PROSER1: variants seen among roughly 807,000 people sequenced by gnomAD.
The protein encoded by PROSER1 is proline and serine-rich protein 1.
In PROSER1, 36 loss-of-function variants were observed where a neutral mutation model predicts 71.8. The observed-to-expected ratio is 0.50, with a 90% CI of 0.38 to 0.66. PROSER1 has a LOEUF of 0.66. PROSER1 is among the 30% of genes least tolerant of loss of function. The probability of loss-of-function intolerance (pLI) is 0.00; values close to 1 mark genes in which losing one functional copy is unlikely to be tolerated. For missense variants in PROSER1, 1,107 were observed against 1,135.0 expected (o/e 0.98, Z 0.35); for synonymous variants, 490 against 452.4 (o/e 1.08, Z -1.06).
At position 39,013,661 on chromosome 13, in the gene PROSER1, A is replaced by T; in HGVS notation, c.1591T>A (p.Ser531Thr). 6.2e-7 allele frequency: 1 copy of T among 1,614,154 alleles called. No individual in the cohort carries two copies. The highest frequency in any genetic ancestry group is 1.1e-5 in the South Asian group (1 of 91,088). The change falls in exon 11 of 13, where the codon TCC becomes ACC. Residue 531 changes from serine to threonine, a missense_variant. Transcript: ENST00000352251. ...PSAIPTPQRT[S>T]TPGLALFPGL... ...GGGAACAGGGCCAACCCTGGAGTGG[A>T]AGTCCTCTGTGGGGTAGGGATGGCT...
chr13:39,017,610 A>G (rs1870068292), intron 9 of PROSER1, 66 bp from the exon 10 acceptor site: 1 of 846,426 alleles, frequency 1.2e-6, no homozygotes, highest in Non-Finnish European at 1.8e-6. Context: ...TAATAAACAG[A>G]TATTTGGATA....
At chr13:39,031,745 G>C in intron 2 of PROSER1, 114 bp from the exon 3 acceptor site, 1 of 835,786 alleles carries the variant, frequency 1.2e-6, no homozygotes, top group Non-Finnish European at 2.0e-6. Flanking sequence ...GGTGATACAG[G>C]TGGCATTAAA....
chr13:39,035,471 A>C (rs189561718), intron 1 of PROSER1, among the ~76,000 whole-genome samples: 9 of 152,352 alleles, frequency 5.9e-5, no homozygotes, highest in Admixed American at 5.9e-4. Flanking sequence ...ATAAGCAAGA[A>C]GTACAGTGCC....
chr13:39,012,834 G>T lies in PROSER1; in HGVS notation c.2418C>A (p.Phe806Leu). The change falls in exon 11 of 13, where the codon TTC (phenylalanine) becomes TTA (leucine). Residue 806 changes from phenylalanine to leucine, a missense_variant. By Grantham distance (22) the Phe-to-Leu change is conservative (BLOSUM62 0). Coordinates refer to ENST00000352251, the MANE Select transcript of PROSER1 (RefSeq NM_025138.5). Reference sequence around the variant, plus strand: ...CTGTAGAGGGCGCCTGCAGCCCCGGGAATGAGGGAAGAGCAGGGGTAACGC... The same window carrying T: ...CTGTAGAGGGCGCCTGCAGCCCCGGTAATGAGGGAAGAGCAGGGGTAACGC... ...TPSVTPALPS[F>L]PGLQAPSTVA... The T allele has an allele frequency of 6.2e-7, 1 of 1,614,222 alleles. No individual in the cohort carries two copies. The highest frequency in any genetic ancestry group is 8.5e-7 in the Non-Finnish European group (1 of 1,180,044).
At chr13:39,036,556 G>C (rs1413143963) in intron 1 of PROSER1, among the ~76,000 whole-genome samples, 1 of 152,162 alleles carries the variant, frequency 6.6e-6, no homozygotes, top group Non-Finnish European at 1.5e-5. Flanking sequence ...TTAGGCTCAA[G>C]ACTACCTTCC....
chr13:39,031,609 A>T lies in PROSER1; in HGVS notation c.134T>A (p.Phe45Tyr). The change falls in exon 3 of 13, where the codon TTT (phenylalanine) becomes TAT (tyrosine). Residue 45 changes from phenylalanine to tyrosine, a missense_variant. Phe to Tyr is a conservative substitution (Grantham distance 22). Coordinates refer to ENST00000352251, the MANE Select transcript of PROSER1 (RefSeq NM_025138.5). ...SEQVVDLLRYFSWAEPQLKAM... is the reference protein window; with the variant it reads ...SEQVVDLLRYYSWAEPQLKAM... ...CTTCAACTGGGGCTCGGCCCAGGAA[A>T]AATATCTCAGCAAATCAACCACCTG... is the stretch of plus-strand genomic sequence containing the variant. 1 of 1,613,446 alleles carries T rather than the reference A, an allele frequency of 6.2e-7. No homozygotes were observed. Among genetic ancestry groups the T allele is most frequent in the Non-Finnish European group, 8.5e-7 (1 of 1,179,772 alleles).
In PROSER1 at chr13:39,024,561, T is replaced by TAAAAA; in HGVS notation, c.481-10_481-6dup. 5 of 1,269,740 alleles carry TAAAAA rather than the reference T, an allele frequency of 3.9e-6. No homozygotes were observed. The highest frequency in any genetic ancestry group is 1.4e-5 in the South Asian group (1 of 69,216). 78.7% of individuals were successfully genotyped at this position (1,269,740 alleles called of 1,614,324 possible). On this transcript the variant is annotated splice_region_variant and splice_polypyrimidine_tract_variant and intron_variant, in intron 6 of 12. Coordinates refer to ENST00000352251, the MANE Select transcript of PROSER1 (RefSeq NM_025138.5). ...ATCTTTTTTCAAAGGAGTTCCCTAT[T>TAAAAA]AAAAAAAAAAAAAAAAGGTAATTGA...
Position 39,012,842 on chromosome 13 carries a change from G to A in PROSER1, c.2410C>T (p.Pro804Ser). Residue 804 changes from proline (P) to serine (S), a missense_variant, in exon 11 of 13, where the codon CCC (proline) becomes TCC (serine). Physicochemically the swap from Pro to Ser is moderately conservative, Grantham distance 74 (BLOSUM62 -1). Transcript: ENST00000352251. ...GGCGCCTGCAGCCCCGGGAATGAGG[G>A]AAGAGCAGGGGTAACGCTTGGGGTA... ...SNTPSVTPAL[P>S]SFPGLQAPST... is the part of the protein sequence containing the mutation. 1 of 1,614,210 alleles carries A rather than the reference G, an allele frequency of 6.2e-7. No homozygotes were observed. Among genetic ancestry groups the A allele is most frequent in the Non-Finnish European group, 8.5e-7 (1 of 1,180,038 alleles).
chr13:39,037,798 G>T lies in PROSER1; in HGVS notation c.-556C>A, dbSNP rs1871215858. ...GTCCGGCTCGCGCTCATCCCCAGCC[G>T]CTCCGCCCGACTCCTGGATACCTCG... On this transcript the variant is annotated 5_prime_UTR_variant, in exon 1 of 13. Coordinates refer to ENST00000352251, the MANE Select transcript of PROSER1 (RefSeq NM_025138.5). 1 of 152,310 alleles carries T rather than the reference G, an allele frequency of 6.6e-6. No individual in the cohort carries two copies. The highest frequency in any genetic ancestry group is 2.4e-5 in the African/African-American group (1 of 41,452). The allele number at this position is 152,310 out of a possible 1,614,324, so 9.4% of individuals were successfully genotyped here. A position where few individuals can be genotyped will look rare whatever the true frequency, so the allele number is the denominator to read the frequency against.
chr13:39,030,396 T>C (rs533496904), intron 3 of PROSER1, among the ~76,000 whole-genome samples: 5 of 152,282 alleles, frequency 3.3e-5, no homozygotes, highest in African/African-American at 1.2e-4. Flanking sequence ...AATAAGTGTA[T>C]TGAGTTGTCC....
rs1869594713 is a variant in PROSER1, at chr13:39,010,574, C to T, written c.*791G>A. The T allele has an allele frequency of 6.6e-6, 1 of 152,600 alleles. No individual in the cohort carries two copies. The highest frequency in any genetic ancestry group is 2.4e-5 in the African/African-American group (1 of 41,420). The allele number at this position is 152,600 out of a possible 1,614,324, so 9.5% of individuals were successfully genotyped here. On this transcript the variant is annotated 3_prime_UTR_variant, in exon 13 of 13. Transcript: ENST00000352251. Reference sequence around the variant, plus strand: ...ACATCCCATAATTGTAAACATTCACCAGGAGCTTCCATAGTACAGTAAGTA... The same window carrying T: ...ACATCCCATAATTGTAAACATTCACTAGGAGCTTCCATAGTACAGTAAGTA...
rs1181677855 is a variant in PROSER1, at chr13:39,010,256, C to G, written c.*1109G>C. 1 of 152,590 alleles carries G rather than the reference C, an allele frequency of 6.6e-6. No individual in the cohort carries two copies. Among genetic ancestry groups the G allele is most frequent in the East Asian group, 1.9e-4 (1 of 5,194 alleles). 9.5% of individuals were successfully genotyped at this position (152,590 alleles called of 1,614,324 possible). ...CCTATGTTGAAGTAAAATACATTAG[C>G]AACATCTTCCGGACACCATCTTTAT... On this transcript the variant is annotated 3_prime_UTR_variant, in exon 13 of 13. Coordinates refer to ENST00000352251, the MANE Select transcript of PROSER1 (RefSeq NM_025138.5).
intron 8 of PROSER1, 32 bp downstream of exon 8, chr13:39,023,019 GA>G: frequency 1.3e-6 from 2 of 1,562,686 alleles, no homozygotes; most frequent in Non-Finnish European, 1.8e-6. Context: ...CAGCAAAAAA[GA>G]AAAACAAGTA....
Position 39,013,795 on chromosome 13 carries a change from G to A in PROSER1, c.1457C>T (p.Ser486Phe). ...LTSNDTNLIN[S>F]SALSSAVTSG... ...TGTGACAGCAGAGGATAAAGCAGAG[G>A]AGTTGATTAAATTGGTGTCATTGGA... Residue 486 changes from serine to phenylalanine, a missense_variant, in exon 11 of 13, where the codon TCC becomes TTC. Coordinates refer to ENST00000352251, the MANE Select transcript of PROSER1 (RefSeq NM_025138.5). 4 of 1,614,182 alleles carry A rather than the reference G, an allele frequency of 2.5e-6. No individual in the cohort carries two copies. Among genetic ancestry groups the A allele is most frequent in the Non-Finnish European group, 3.4e-6 (4 of 1,180,022 alleles).
At chr13:39,017,699 T>C (rs1478284659) in intron 9 of PROSER1, 155 bp from the exon 10 acceptor site, 13 of 551,064 alleles carry the variant, frequency 2.4e-5, no homozygotes, top group East Asian at 3.2e-5. Context: ...TAAATAAAAA[T>C]AGTAGTAACT....
In PROSER1 at chr13:39,022,218, T is replaced by C; in HGVS notation, c.730+108A>G. 3 of 771,914 alleles carry C rather than the reference T, an allele frequency of 3.9e-6. No individual in the cohort carries two copies. In the Admixed American group the frequency reaches 5.8e-5, roughly 15 times the overall value. 47.8% of individuals were successfully genotyped at this position (771,914 alleles called of 1,614,324 possible). A position where few individuals can be genotyped will look rare whatever the true frequency, so the allele number is the denominator to read the frequency against. On this transcript the variant is annotated intron_variant, in intron 9 of 12. Transcript: ENST00000352251. Reference sequence around the variant, plus strand: ...TTCACTTCCAGATCCTTCAGACTCTTGAGCTTGTGTTCCCTCTGTTAGAAT... The same window carrying C: ...TTCACTTCCAGATCCTTCAGACTCTCGAGCTTGTGTTCCCTCTGTTAGAAT...
At chr13:39,024,213 A>G (rs1021619931) in intron 7 of PROSER1, among the ~76,000 whole-genome samples, 3 of 152,180 alleles carry the variant, frequency 2.0e-5, no homozygotes, top group Non-Finnish European at 4.4e-5. Context: ...CGTATCTCCA[A>G]CTGAGCAGCT....
At chr13:39,029,472 AT>A in intron 3 of PROSER1, 97 bp from the exon 4 acceptor site, 1 of 580,084 alleles carries the variant, frequency 1.7e-6, no homozygotes, top group South Asian at 3.4e-5. Context: ...TAATATAAAC[AT>A]TTTAGATAAA....
chr13:39,022,215 T>G (rs778158381), intron 9 of PROSER1, 111 bp downstream of exon 9: 3 of 759,628 alleles, frequency 3.9e-6, no homozygotes, highest in Non-Finnish European at 7.0e-6. Flanking sequence ...TCCTTCAGAC[T>G]CTTGAGCTTG....
Sources: allele counts gnomAD v4.1 joint callset (sites outside exome capture counted in the v4.1 genomes callset), GRCh38; gene constraint gnomAD v4.1.1; transcripts MANE v1.5; gene names NCBI Gene and HGNC (gene_info 2026-07-23, HGNC 2026-07-21).